Variants in VWA8 observed in about 807,000 individuals in gnomAD.
The protein encoded by VWA8 is von Willebrand factor A domain containing 8, also known as von Willebrand factor A domain-containing protein 8.
VWA8 carries 221 observed loss-of-function variants against 241.5 expected under a neutral mutation model. The ratio of observed to expected loss-of-function variants is 0.91; its 90% CI spans 0.82 to 1.02. The LOEUF is 1.02. Ranked by LOEUF, VWA8 falls within the 50% of genes least tolerant of loss-of-function variation. The probability of loss-of-function intolerance (pLI) is 0.00; values close to 1 mark genes in which losing one functional copy is unlikely to be tolerated. For missense variants in VWA8, 2,322 were observed against 2,328.7 expected (o/e 1.00, Z 0.06); for synonymous variants, 852 against 827.1 (o/e 1.03, Z -0.52).
chr13:41,818,844 C>T (rs111261941), intron 15 of VWA8, among the ~76,000 whole-genome samples: 4 of 152,080 alleles, frequency 2.6e-5, no homozygotes, highest in African/African-American at 9.7e-5. Context: ...AAAAAGGATT[C>T]GAAAATGGCC....
intron 37 of VWA8, among the ~76,000 whole-genome samples, chr13:41,628,710 T>C (rs2044708353): frequency 6.6e-6 from 1 of 152,188 alleles, no homozygotes; most frequent in Non-Finnish European, 1.5e-5. Flanking sequence ...TTCTCACTTA[T>C]AAGTGGGATC....
chr13:41,849,202 G>A (rs1037801645), intron 12 of VWA8, among the ~76,000 whole-genome samples: 1 of 152,112 alleles, frequency 6.6e-6, no homozygotes, highest in African/African-American at 2.4e-5. Context: ...TGAAAAACTG[G>A]GGTTTTCTTT....
chr13:41,626,818 A>G (rs2044695039), intron 37 of VWA8, among the ~76,000 whole-genome samples: 1 of 152,208 alleles, frequency 6.6e-6, no homozygotes, highest in Non-Finnish European at 1.5e-5. Flanking sequence ...AAAAAACCCT[A>G]GACAAAAACC....
chr13:41,945,442 C>G (rs536784501), intron 2 of VWA8, among the ~76,000 whole-genome samples: 103 of 152,198 alleles, frequency 6.8e-4, no homozygotes, highest in African/African-American at 1.6e-3. Context: ...AAAACTATCT[C>G]TGAGTAAACC....
intron 41 of VWA8, among the ~76,000 whole-genome samples, chr13:41,588,646 A>T (rs2044435223): frequency 1.3e-5 from 2 of 151,998 alleles, no homozygotes; most frequent in Non-Finnish European, 2.9e-5. Flanking sequence ...ACTTGAGCCC[A>T]ATAGTTTGAG....
At chr13:41,868,594 T>A in intron 9 of VWA8, 117 bp from the exon 10 acceptor site, 1 of 1,279,240 alleles carries the variant, frequency 7.8e-7, no homozygotes, top group Non-Finnish European at 1.0e-6. Context: ...TATATAAAAG[T>A]AGAGGTTAGG....
intron 42 of VWA8, among the ~76,000 whole-genome samples, 168 bp from the exon 43 acceptor site, chr13:41,576,006 T>A (rs999640892): frequency 2.0e-5 from 3 of 152,242 alleles, no homozygotes; most frequent in African/African-American, 7.2e-5. Context: ...TCTCACTATG[T>A]ACATGAGAAA....
At chr13:41,853,930 G>A (rs1872627411) in intron 12 of VWA8, among the ~76,000 whole-genome samples, 3 of 152,120 alleles carry the variant, frequency 2.0e-5, no homozygotes, top group South Asian at 2.1e-4. Context: ...GCTTACAAAC[G>A]ATAGGAGAGA....
intron 2 of VWA8, chr13:41,926,140 G>T: frequency 1.7e-6 from 1 of 587,578 alleles, no homozygotes. Flanking sequence ...GACATAATTG[G>T]AGTTCAGGGG....
At chr13:41,774,779 G>C in intron 20 of VWA8, among the ~76,000 whole-genome samples, 1 of 152,124 alleles carries the variant, frequency 6.6e-6, no homozygotes, top group East Asian at 1.9e-4. Context: ...AAAAGAAAAG[G>C]CCCTAATTAG....
rs575466929 is a variant in VWA8 at position 41,789,604 on chromosome 13, C to G, written c.2064-2061G>C. Reference sequence around the variant, plus strand: ...ACACTAAGCTAACGCAAATAACTGTCTTTGTCACAGGAGTGGGATAGGATC... The same window carrying G: ...ACACTAAGCTAACGCAAATAACTGTGTTTGTCACAGGAGTGGGATAGGATC... On this transcript the variant is annotated intron_variant, in intron 17 of 44. Coordinates refer to ENST00000379310, the MANE Select transcript of VWA8 (RefSeq NM_015058.2). Among the ~76,000 whole-genome samples, 4 of 152,192 alleles carry G rather than the reference C, an allele frequency of 2.6e-5. No homozygotes were observed. The South Asian group carries it at 8.3e-4, about 32-fold the overall frequency.
intron 37 of VWA8, among the ~76,000 whole-genome samples, chr13:41,652,597 T>C (rs1001973332): frequency 2.6e-4 from 39 of 152,104 alleles, no homozygotes; most frequent in African/African-American, 8.7e-4. Context: ...AAGGATGAGC[T>C]TACAATCTAC....
At chr13:41,833,651 C>CA (rs1203654667) in intron 12 of VWA8, 120 bp from the exon 13 acceptor site, 2 of 1,156,536 alleles carry the variant, frequency 1.7e-6, no homozygotes, top group Non-Finnish European at 2.3e-6. Context: ...CATATAGTAA[C>CA]AGAGAAGTCA....
chr13:41,730,990 T>C (rs1450097430), intron 22 of VWA8, among the ~76,000 whole-genome samples: 1 of 150,516 alleles, frequency 6.6e-6, no homozygotes, highest in Non-Finnish European at 1.5e-5. Context: ...TGTGCACATA[T>C]ACCCTAAAAC....
At chr13:41,867,136 C>A (rs1007297053) in intron 10 of VWA8, among the ~76,000 whole-genome samples, 2 of 152,162 alleles carry the variant, frequency 1.3e-5, no homozygotes, top group African/African-American at 2.4e-5. Context: ...CAAAGGGAAG[C>A]AAATAATGAA....
At chr13:41,608,580 A>G (rs1214668005) in intron 39 of VWA8, among the ~76,000 whole-genome samples, 2 of 152,202 alleles carry the variant, frequency 1.3e-5, no homozygotes, top group African/African-American at 4.8e-5. Flanking sequence ...TTTTTCTTAT[A>G]GGTCACACTT....
intron 21 of VWA8, among the ~76,000 whole-genome samples, chr13:41,742,768 A>G (rs1041215777): frequency 1.3e-5 from 2 of 152,160 alleles, no homozygotes; most frequent in Non-Finnish European, 2.9e-5. Context: ...AGAACTCACA[A>G]ACACATGAGA....
chr13:41,950,803 G>A (rs1381316649), intron 1 of VWA8, among the ~76,000 whole-genome samples: 1 of 151,588 alleles, frequency 6.6e-6, no homozygotes, highest in Non-Finnish European at 1.5e-5. Context: ...TGAGTAGCTG[G>A]GATTACAGGT....
At chr13:41,687,092 A>G (rs1236654380) in intron 34 of VWA8, among the ~76,000 whole-genome samples, 1 of 152,084 alleles carries the variant, frequency 6.6e-6, no homozygotes, top group Non-Finnish European at 1.5e-5. Flanking sequence ...GACTCTAGAT[A>G]CCAGTTTTTG....
Sources: allele counts gnomAD v4.1 joint callset (sites outside exome capture counted in the v4.1 genomes callset), GRCh38; gene constraint gnomAD v4.1.1; transcripts MANE v1.5; gene names NCBI Gene and HGNC (gene_info 2026-07-23, HGNC 2026-07-21).